Variants in TANGO2 observed in about 807,000 individuals in gnomAD.
TANGO2 encodes transport and golgi organization 2 homolog, also known as transport and Golgi organization protein 2 homolog.
Under a neutral mutation model 39.1 loss-of-function variants are expected in TANGO2, and 26 were observed. That is an observed-to-expected ratio of 0.67 (90% CI 0.49 to 0.92). The LOEUF is 0.92. TANGO2 is among the 40% of genes least tolerant of loss of function. The probability of loss-of-function intolerance (pLI) is 0.00; values close to 1 mark genes in which losing one functional copy is unlikely to be tolerated. For missense variants in TANGO2, 326 were observed against 360.1 expected (o/e 0.91, Z 0.77); for synonymous variants, 131 against 144.5 (o/e 0.91, Z 0.67).
chr22:20,032,758 A>G (rs557180867), intron 1 of TANGO2, among the ~76,000 whole-genome samples: 2 of 152,320 alleles, frequency 1.3e-5, no homozygotes, highest in Middle Eastern at 3.4e-3. Flanking sequence ...TGTGTGGCAC[A>G]AGAGATGCCC....
Position 20,039,871 on chromosome 22 carries a change from T to C in TANGO2, c.56+3017T>C, listed in dbSNP as rs558234908. The stretch of plus-strand genomic sequence containing the variant: ...AGAACACACTCACCCCCCGAGATGA[T>C]GCACATACCCCCCGGACAGTACACG... On this transcript the variant is annotated intron_variant, in intron 2 of 8. Coordinates refer to ENST00000327374, the MANE Select transcript of TANGO2 (RefSeq NM_152906.7). Among the ~76,000 whole-genome samples, 8 of 118,220 alleles carry C rather than the reference T, an allele frequency of 6.8e-5. No individual in the cohort carries two copies. In the East Asian group the frequency reaches 2.4e-3, roughly 35 times the overall value. 77.6% of individuals were successfully genotyped at this position (118,220 alleles called of 152,430 possible). A position where few individuals can be genotyped will look rare whatever the true frequency, so the allele number is the denominator to read the frequency against.
chr22:20,053,081 G>C (rs2046690903), intron 4 of TANGO2, among the ~76,000 whole-genome samples: 1 of 152,160 alleles, frequency 6.6e-6, no homozygotes, highest in Non-Finnish European at 1.5e-5. Flanking sequence ...ACTCCTGACT[G>C]CTGTGTCACT....
chr22:20,034,525 T>C (rs780775440), intron 1 of TANGO2, among the ~76,000 whole-genome samples: 10 of 152,208 alleles, frequency 6.6e-5, no homozygotes, highest in Non-Finnish European at 1.0e-4. Context: ...CCCTTAAAAC[T>C]GTGCTTGGCT....
chr22:20,061,666 G>A lies in TANGO2; in HGVS notation c.588G>A (p.Val196=), dbSNP rs756716259. ...KDVLIASLLD[V]LNNEEAQLPD... is the part of the protein sequence containing the mutation. The stretch of plus-strand genomic sequence containing the variant: ...TGCTCATCGCCAGCCTCCTGGATGT[G>A]CTCAACAATGAAGAGGCGTGAGTGG... The change falls in exon 7 of 9, where the codon GTG becomes GTA. Residue 196 remains valine, a synonymous_variant. Coordinates refer to ENST00000327374, the MANE Select transcript of TANGO2 (RefSeq NM_152906.7). The A allele has an allele frequency of 7.7e-6, 12 of 1,553,304 alleles. No individual in the cohort carries two copies. The African/African-American group carries it at 1.2e-4, about 16-fold the overall frequency.
intron 3 of TANGO2, among the ~76,000 whole-genome samples, chr22:20,050,358 G>GTTT (rs1569303308): frequency 8.6e-6 from 1 of 116,828 alleles, no homozygotes; most frequent in Non-Finnish European, 1.7e-5. Flanking sequence ...TTTCCTGGTG[G>GTTT]TTTTTTTTTT....
intron 7 of TANGO2, among the ~76,000 whole-genome samples, chr22:20,062,240 TG>T (rs1342541059): frequency 6.6e-6 from 1 of 152,162 alleles, no homozygotes; most frequent in Non-Finnish European, 1.5e-5. Context: ...GGCCAGGCAC[TG>T]GGGTCTTCGT....
At chr22:20,018,215 G>A (rs560841157), upstream of TANGO2, among the ~76,000 whole-genome samples, 22 of 152,342 alleles carry the variant, frequency 1.4e-4, no homozygotes, top group Admixed American at 3.9e-4. Flanking sequence ...ACTATCAATC[G>A]ATTGGAGCTG....
At position 20,067,063 on chromosome 22, in the gene TANGO2, G is replaced by A. The variant is rs1471886376; in HGVS notation, c.*2401G>A. The A allele has an allele frequency of 6.6e-6, 1 of 152,174 alleles. No individual in the cohort carries two copies. Among genetic ancestry groups the A allele is most frequent in the African/African-American group, 2.4e-5 (1 of 41,436 alleles). 9.4% of individuals were successfully genotyped at this position (152,174 alleles called of 1,614,324 possible). A position where few individuals can be genotyped will look rare whatever the true frequency, so the allele number is the denominator to read the frequency against. On this transcript the variant is annotated 3_prime_UTR_variant, in exon 9 of 9. Transcript: ENST00000327374. ...ATAGGGTTCTTCCAGGGGTAACCAA[G>A]GTAGAATGAGGTCGTTAGTGTGGGC...
chr22:20,034,819 C>T (rs1020035724), intron 1 of TANGO2, among the ~76,000 whole-genome samples: 5 of 152,240 alleles, frequency 3.3e-5, no homozygotes, highest in African/African-American at 9.6e-5. Context: ...GGCAAACGCT[C>T]TCAGGCAGGA....
At chr22:20,022,671 G>C (rs968462342) in intron 1 of TANGO2, among the ~76,000 whole-genome samples, 1 of 152,262 alleles carries the variant, frequency 6.6e-6, no homozygotes, top group Non-Finnish European at 1.5e-5. Context: ...AGTGTCCTGG[G>C]AACTTGATCC....
rs777748546 is a variant in TANGO2, at chr22:20,061,725, C to T, written c.605+42C>T. ...TGCTGGGGTGAGCCCCAGTGTCCCG[C>T]CACCAGGGCAGAGGGAAAGGCAGGC... On this transcript the variant is annotated intron_variant, in intron 7 of 8. Transcript: ENST00000327374. 152 of 1,507,124 alleles carry T rather than the reference C, an allele frequency of 1.0e-4. No homozygotes were observed. The East Asian group carries it at 3.4e-3, about 34-fold the overall frequency. 93.4% of individuals were successfully genotyped at this position (1,507,124 alleles called of 1,614,324 possible).
chr22:20,042,355 T>C (rs374225), intron 2 of TANGO2, among the ~76,000 whole-genome samples: 63,587 of 151,978 alleles, frequency 0.42, 13,869 homozygotes, highest in East Asian at 0.71. Flanking sequence ...ACTCAGTCAC[T>C]GCTGTGTCCT....
At chr22:20,045,353 C>T (rs1472201271) in intron 3 of TANGO2, among the ~76,000 whole-genome samples, 1 of 151,492 alleles carries the variant, frequency 6.6e-6, no homozygotes, top group East Asian at 1.9e-4. Context: ...GTGGGAGGAT[C>T]GCCTGAGCCT....
At chr22:20,063,697 A>T in intron 8 of TANGO2, 1 of 416,008 alleles carries the variant, frequency 2.4e-6, no homozygotes, top group Non-Finnish European at 4.3e-6. Context: ...CTGCCTGCAC[A>T]TTGGTGGATC....
rs1281456111 is a variant in TANGO2, at chr22:20,047,228, G to GTTTTT, written c.145+3788_145+3789insTTTTT. The stretch of plus-strand genomic sequence containing the variant: ...ACACTGGGGATCAGTTTTTTGGTTT[G>GTTTTT]TTTGTTTTTTTTTTTTTTTTTTGAG... On this transcript the variant is annotated intron_variant, in intron 3 of 8. Coordinates refer to ENST00000327374, the MANE Select transcript of TANGO2 (RefSeq NM_152906.7). Among the ~76,000 whole-genome samples, 113 of 132,700 alleles carry GTTTTT rather than the reference G, an allele frequency of 8.5e-4. 1 individual carries two copies. The highest frequency in any genetic ancestry group is 1.2e-3 in the South Asian group (5 of 4,064). 87.1% of individuals were successfully genotyped at this position (132,700 alleles called of 152,430 possible). A position where few individuals can be genotyped will look rare whatever the true frequency, so the allele number is the denominator to read the frequency against.
intron 6 of TANGO2, chr22:20,061,308 T>C: frequency 2.0e-6 from 1 of 489,302 alleles, no homozygotes; most frequent in Non-Finnish European, 3.6e-6. Context: ...TGGTCTCCTG[T>C]GGGTGCCCGC....
intron 3 of TANGO2, among the ~76,000 whole-genome samples, chr22:20,051,615 G>A (rs2046357661): frequency 6.6e-6 from 1 of 152,204 alleles, no homozygotes; most frequent in African/African-American, 2.4e-5. Context: ...ACTTTGGGAG[G>A]CTGAGTCGGG....
intron 1 of TANGO2, among the ~76,000 whole-genome samples, chr22:20,025,823 G>T (rs2040633154): frequency 6.6e-6 from 1 of 152,198 alleles, no homozygotes; most frequent in South Asian, 2.1e-4. Flanking sequence ...CGTGATCTAG[G>T]CAGGGTTTGG....
At chr22:20,060,257 G>A (rs2048121619) in intron 6 of TANGO2, among the ~76,000 whole-genome samples, 1 of 150,600 alleles carries the variant, frequency 6.6e-6, no homozygotes, top group Admixed American at 6.7e-5. Flanking sequence ...GCTGAGACAG[G>A]AGAATGGCGT....
Sources: gnomAD v4.1 joint callset for allele counts (sites outside exome capture counted in the v4.1 genomes callset) on GRCh38, gnomAD v4.1.1 for gene constraint, MANE v1.5 for transcripts, NCBI Gene and HGNC (gene_info 2026-07-23, HGNC 2026-07-21) for gene names.